SEZ6L: variants seen among roughly 807,000 people sequenced by gnomAD.
SEZ6L encodes seizure 6-like protein.
SEZ6L carries 37 observed loss-of-function variants against 106.2 expected under a neutral mutation model. The observed-to-expected ratio is 0.35, with a 90% CI of 0.27 to 0.46. The LOEUF (loss-of-function observed/expected upper bound fraction) is 0.46, where lower values mean the gene tolerates loss of function less well. Ranked by LOEUF, SEZ6L falls within the 20% of genes least tolerant of loss-of-function variation. The pLI is 1.00. For synonymous variants in SEZ6L, 541 were observed against 570.4 expected (o/e 0.95, Z 0.73); for missense variants, 1,172 against 1,332.8 (o/e 0.88, Z 1.88).
chr22:26,210,938 A>G (rs999301133), intron 1 of SEZ6L, among the ~76,000 whole-genome samples: 1 of 152,216 alleles, frequency 6.6e-6, no homozygotes, highest in Non-Finnish European at 1.5e-5. Flanking sequence ...CTGCACTCCA[A>G]CAATTGGCTG....
chr22:26,343,437 T>C (rs1033104997), intron 10 of SEZ6L, among the ~76,000 whole-genome samples: 3 of 152,202 alleles, frequency 2.0e-5, no homozygotes, highest in African/African-American at 7.2e-5. Context: ...TTTTTGTTCA[T>C]TGAAGTTGAA....
intron 1 of SEZ6L, among the ~76,000 whole-genome samples, chr22:26,222,267 G>A (rs947893662): frequency 1.3e-5 from 2 of 152,326 alleles, no homozygotes; most frequent in Admixed American, 1.3e-4. Flanking sequence ...AGCACTTGGA[G>A]GGCCTTTGAG....
chr22:26,282,527 TGATGTG>T (rs538585446), intron 1 of SEZ6L, among the ~76,000 whole-genome samples: 3 of 152,296 alleles, frequency 2.0e-5, no homozygotes, highest in African/African-American at 7.2e-5. Context: ...AAACTCTGGT[TGATGTG>T]GAGCATGTCT....
At chr22:26,177,189 A>AT (rs1569355246) in intron 1 of SEZ6L, among the ~76,000 whole-genome samples, 1 of 152,156 alleles carries the variant, frequency 6.6e-6, no homozygotes, top group South Asian at 2.1e-4. Flanking sequence ...ATAAACCTTG[A>AT]TTTTTTATCT....
Position 26,348,412 on chromosome 22 carries a change from A to G in SEZ6L, c.2407+499A>G, listed in dbSNP as rs146843853. Among the ~76,000 whole-genome samples the G allele has an allele frequency of 5.4e-3, 816 of 150,006 alleles. 1 individual carries two copies. The highest frequency in any genetic ancestry group is 7.9e-3 in the Non-Finnish European group (536 of 67,740). On this transcript the variant is annotated intron_variant, in intron 11 of 16. Coordinates refer to ENST00000248933, the MANE Select transcript of SEZ6L (RefSeq NM_021115.5). ...CTAGCTACTCAGGAGGCTGAGACAGAAGGATTGCTGGAACGCAGGTGTTTG... is the reference window on the plus strand; with the variant it reads ...CTAGCTACTCAGGAGGCTGAGACAGGAGGATTGCTGGAACGCAGGTGTTTG...
chr22:26,275,800 C>T (rs562734471), intron 1 of SEZ6L, among the ~76,000 whole-genome samples: 6 of 152,284 alleles, frequency 3.9e-5, no homozygotes, highest in Admixed American at 1.3e-4. Flanking sequence ...TTTGGGGCCA[C>T]GAAGTGTCCT....
At chr22:26,175,276 A>G (rs890684708) in intron 1 of SEZ6L, among the ~76,000 whole-genome samples, 58 of 152,230 alleles carry the variant, frequency 3.8e-4, no homozygotes, top group African/African-American at 1.3e-3. Flanking sequence ...TTTATAGGCA[A>G]CTAATTCACA....
chr22:26,179,991 G>A (rs1365233051), intron 1 of SEZ6L, among the ~76,000 whole-genome samples: 1 of 152,200 alleles, frequency 6.6e-6, no homozygotes, highest in African/African-American at 2.4e-5. Flanking sequence ...CAAGTGCCCA[G>A]TAGCTATGTG....
At chr22:26,339,180 A>G (rs1481366225) in intron 9 of SEZ6L, among the ~76,000 whole-genome samples, 2 of 152,046 alleles carry the variant, frequency 1.3e-5, no homozygotes, top group Non-Finnish European at 2.9e-5. Flanking sequence ...TACAAATCTA[A>G]ATAGATCACT....
chr22:26,218,962 G>A (rs1201143031), intron 1 of SEZ6L, among the ~76,000 whole-genome samples: 2 of 151,950 alleles, frequency 1.3e-5, no homozygotes, highest in South Asian at 2.1e-4. Context: ...GAAAAGAAAC[G>A]AAAAGAAAAA....
chr22:26,308,870 G>C (rs919694354), intron 6 of SEZ6L, among the ~76,000 whole-genome samples: 1 of 152,120 alleles, frequency 6.6e-6, no homozygotes, highest in Non-Finnish European at 1.5e-5. Context: ...TTTGCCAAAG[G>C]CTTCTGTTCT....
chr22:26,192,554 T>A (rs553888770), intron 1 of SEZ6L, among the ~76,000 whole-genome samples: 1 of 152,332 alleles, frequency 6.6e-6, no homozygotes, highest in South Asian at 2.1e-4. Flanking sequence ...ACACTAAATT[T>A]AAAAAACACT....
intron 1 of SEZ6L, among the ~76,000 whole-genome samples, chr22:26,266,574 A>AAAATAAATAAAT (rs55949237): frequency 6.9e-6 from 1 of 144,598 alleles, no homozygotes. Flanking sequence ...CTCCGTCTCA[A>AAAATAAATAAAT]AAATAAATAA....
Position 26,270,263 on chromosome 22 carries a change from T to C in SEZ6L, c.95-22143T>C, listed in dbSNP as rs1601330032. 3.3e-5 allele frequency among the ~76,000 whole-genome samples: 5 copies of C among 152,306 alleles called. No individual in the cohort carries two copies. The South Asian group carries it at 1.0e-3, about 32-fold the overall frequency. On this transcript the variant is annotated intron_variant, in intron 1 of 16. Transcript: ENST00000248933. ...TATTATGGAGATATTATTGCTGTTG[T>C]TCTTGTTGTCATCTTTGTTTCTTCC...
At chr22:26,362,491 T>C (rs1446072478) in intron 12 of SEZ6L, among the ~76,000 whole-genome samples, 1 of 148,840 alleles carries the variant, frequency 6.7e-6, no homozygotes, top group Non-Finnish European at 1.5e-5. Context: ...TCTTCTGAGT[T>C]TCTCTCTTCT....
intron 5 of SEZ6L, among the ~76,000 whole-genome samples, chr22:26,303,851 G>A (rs1313031995): frequency 1.3e-5 from 2 of 152,102 alleles, no homozygotes; most frequent in African/African-American, 4.8e-5. Flanking sequence ...AATGAAGGGG[G>A]AACCAAGCGT....
chr22:26,233,533 T>C (rs145654792), intron 1 of SEZ6L, among the ~76,000 whole-genome samples: 5 of 152,306 alleles, frequency 3.3e-5, no homozygotes, highest in Non-Finnish European at 7.4e-5. Flanking sequence ...ATTTTACAGA[T>C]GAGGAAGCTG....
At chr22:26,284,632 A>AAC (rs2080878039) in intron 1 of SEZ6L, among the ~76,000 whole-genome samples, 1 of 146,194 alleles carries the variant, frequency 6.8e-6, no homozygotes, top group Admixed American at 6.7e-5. Context: ...AAAAAAAAAA[A>AAC]CCCTAATGAC....
intron 1 of SEZ6L, among the ~76,000 whole-genome samples, chr22:26,282,560 T>C (rs1601371021): frequency 6.6e-6 from 1 of 152,270 alleles, no homozygotes; most frequent in Middle Eastern, 3.4e-3. Context: ...CACCCTAGAA[T>C]AGGCTCCCTG....
Sources: gnomAD v4.1 joint callset for allele counts (sites outside exome capture counted in the v4.1 genomes callset) on GRCh38, gnomAD v4.1.1 for gene constraint, MANE v1.5 for transcripts, NCBI Gene and HGNC (gene_info 2026-07-23, HGNC 2026-07-21) for gene names.